The following ST8SIA5 variants were observed in gnomAD, a reference collection of about 807,000 sequenced individuals.
ST8SIA5 encodes ST8 alpha-N-acetyl-neuraminide alpha-2,8-sialyltransferase 5.
A neutral mutation model predicts 40.2 loss-of-function variants in ST8SIA5; 24 were observed. That is an observed-to-expected ratio of 0.60 (90% CI 0.43 to 0.84). ST8SIA5 has a LOEUF of 0.84. Ranked by LOEUF, ST8SIA5 falls within the 40% of genes least tolerant of loss-of-function variation. The pLI, the probability that ST8SIA5 is intolerant of heterozygous loss-of-function variation, is 0.00. For missense variants in ST8SIA5, 465 were observed against 498.5 expected (o/e 0.93, Z 0.64); for synonymous variants, 198 against 201.8 (o/e 0.98, Z 0.16).
rs1009112572 is a variant in ST8SIA5 at position 46,677,414 on chromosome 18, G to T, written c.*2628C>A. On this transcript the variant is annotated 3_prime_UTR_variant, in exon 7 of 7. Coordinates refer to ENST00000315087, the MANE Select transcript of ST8SIA5 (RefSeq NM_013305.6). Reference sequence around the variant, plus strand: ...CAATGGGAGCCTCCTTACCCAAAGGGGTCTCATGATGATTACAGGAGATAA... The same window carrying T: ...CAATGGGAGCCTCCTTACCCAAAGGTGTCTCATGATGATTACAGGAGATAA... 1 of 152,124 alleles carries T rather than the reference G, an allele frequency of 6.6e-6. No homozygotes were observed. Among genetic ancestry groups the T allele is most frequent in the Non-Finnish European group, 1.5e-5 (1 of 68,030 alleles). 9.4% of individuals were successfully genotyped at this position (152,124 alleles called of 1,614,324 possible). A position where few individuals can be genotyped will look rare whatever the true frequency, so the allele number is the denominator to read the frequency against.
At chr18:46,724,990 AGGAAG>A (rs2144534174) in intron 1 of ST8SIA5, among the ~76,000 whole-genome samples, 1 of 12,286 alleles carries the variant, frequency 8.1e-5, no homozygotes, top group African/African-American at 4.9e-4. Flanking sequence ...AAAGAGAGAG[AGGAAG>A]GAAGGAAGGA....
intron 1 of ST8SIA5, among the ~76,000 whole-genome samples, chr18:46,739,191 G>A (rs763303215): frequency 1.1e-4 from 17 of 152,234 alleles, no homozygotes; most frequent in Admixed American, 2.0e-4. Flanking sequence ...AGGGGACAGC[G>A]GGTCGGAGGC....
chr18:46,692,675 T>C (rs967206354), intron 2 of ST8SIA5, among the ~76,000 whole-genome samples: 1 of 152,124 alleles, frequency 6.6e-6, no homozygotes, highest in African/African-American at 2.4e-5. Context: ...AGTGCTGGGA[T>C]TACAGGTGTG....
chr18:46,703,443 A>G (rs1330912587), intron 2 of ST8SIA5, among the ~76,000 whole-genome samples: 1 of 152,176 alleles, frequency 6.6e-6, no homozygotes, highest in African/African-American at 2.4e-5. Context: ...GCAACCCTTA[A>G]AGGGTAGGTA....
rs1401391282 is a variant in ST8SIA5 at position 46,686,229 on chromosome 18, T to C, written c.514A>G (p.Ile172Val). ...CTCCCGCAGCGGCTGTTCTTCAAGA[T>C]GCCTCCGTTGCCCACTACAGCACAC... is the stretch of plus-strand genomic sequence containing the variant. Reference protein sequence around the residue: ...KKCAVVGNGGILKNSRCGREI... With the variant: ...KKCAVVGNGGVLKNSRCGREI... Residue 172 changes from isoleucine to valine, a missense_variant, in exon 5 of 7, where the codon ATC (isoleucine) becomes GTC (valine). Coordinates refer to ENST00000315087, the MANE Select transcript of ST8SIA5 (RefSeq NM_013305.6). 6.2e-7 allele frequency: 1 copy of C among 1,614,168 alleles called. No individual in the cohort carries two copies.
At chr18:46,715,863 T>C (rs2039783287) in intron 1 of ST8SIA5, among the ~76,000 whole-genome samples, 1 of 152,142 alleles carries the variant, frequency 6.6e-6, no homozygotes, top group Admixed American at 6.6e-5. Flanking sequence ...TCTGGGATTA[T>C]AGGCATGAGC....
intron 3 of ST8SIA5, among the ~76,000 whole-genome samples, chr18:46,689,572 A>AT (rs541590079): frequency 0.02 from 2,568 of 128,738 alleles, 52 homozygotes; most frequent in Admixed American, 0.048. Context: ...ATGTTTTATG[A>AT]TTTTTTTTTT....
chr18:46,753,550 G>A (rs1336452883), intron 1 of ST8SIA5, among the ~76,000 whole-genome samples: 1 of 151,176 alleles, frequency 6.6e-6, no homozygotes, highest in Non-Finnish European at 1.5e-5. Flanking sequence ...TCCAGCCTGG[G>A]TGACACAGTG....
At chr18:46,684,568 T>C (rs750408350) in intron 5 of ST8SIA5, among the ~76,000 whole-genome samples, 3 of 152,124 alleles carry the variant, frequency 2.0e-5, no homozygotes, top group Non-Finnish European at 4.4e-5. Context: ...TTTTTCTAAC[T>C]CAAACCAGGC....
intron 1 of ST8SIA5, among the ~76,000 whole-genome samples, chr18:46,707,488 T>C (rs2039681210): frequency 6.6e-6 from 1 of 152,208 alleles, no homozygotes. Context: ...TGCCTCTTCC[T>C]TGGTTCCTCT....
intron 1 of ST8SIA5, among the ~76,000 whole-genome samples, chr18:46,724,834 C>T (rs1011786908): frequency 5.9e-5 from 9 of 151,916 alleles, no homozygotes; most frequent in African/African-American, 2.2e-4. Flanking sequence ...ATTAGCTGGG[C>T]ATGGTGGTGC....
In ST8SIA5 at chr18:46,693,242, T is replaced by C. The variant is rs117873567; in HGVS notation, c.225-987A>G. 8.3e-4 allele frequency among the ~76,000 whole-genome samples: 127 copies of C among 152,300 alleles called. No individual in the cohort carries two copies. The East Asian group carries it at 0.022, about 26-fold the overall frequency. ...CCACCCCCCAGGGCCTGCATAGTTC[T>C]CTTGGGAACATCTGTCTATAAAGAG... On this transcript the variant is annotated intron_variant, in intron 2 of 6. Transcript: ENST00000315087.
At chr18:46,743,350 C>T (rs1003710967) in intron 1 of ST8SIA5, among the ~76,000 whole-genome samples, 13 of 152,096 alleles carry the variant, frequency 8.5e-5, no homozygotes, top group African/African-American at 3.1e-4. Context: ...CTAGAATAAA[C>T]AGTGTAGAGA....
chr18:46,748,471 G>T (rs2040163369), intron 1 of ST8SIA5, among the ~76,000 whole-genome samples: 1 of 148,554 alleles, frequency 6.7e-6, no homozygotes, highest in Non-Finnish European at 1.5e-5. Context: ...GGCTGAGGTG[G>T]GAGAATCACT....
At chr18:46,720,399 A>G (rs2039850003) in intron 1 of ST8SIA5, among the ~76,000 whole-genome samples, 1 of 152,168 alleles carries the variant, frequency 6.6e-6, no homozygotes, top group Non-Finnish European at 1.5e-5. Flanking sequence ...CCCAGGCCAC[A>G]GCGTGCGACC....
chr18:46,699,734 C>T (rs1367729152), intron 2 of ST8SIA5, among the ~76,000 whole-genome samples: 1 of 152,218 alleles, frequency 6.6e-6, no homozygotes, highest in Non-Finnish European at 1.5e-5. Context: ...CACCCACTCC[C>T]TCTGTCCACT....
chr18:46,682,186 G>A, intron 5 of ST8SIA5, 122 bp from the exon 6 acceptor site: 1 of 696,872 alleles, frequency 1.4e-6, no homozygotes. Flanking sequence ...CAACCAGCTA[G>A]GCAGGTTCTC....
intron 1 of ST8SIA5, among the ~76,000 whole-genome samples, chr18:46,705,296 C>T (rs1599117579): frequency 6.6e-6 from 1 of 152,346 alleles, no homozygotes; most frequent in African/African-American, 2.4e-5. Flanking sequence ...CCAGCTGGCT[C>T]CAGGCATGTC....
chr18:46,743,233 G>A (rs1388841826), intron 1 of ST8SIA5, among the ~76,000 whole-genome samples: 1 of 152,202 alleles, frequency 6.6e-6, no homozygotes, highest in Admixed American at 6.5e-5. Context: ...GACAGAAGAA[G>A]GCTTCAGAAG....
Sources: gnomAD v4.1 joint callset for allele counts (sites outside exome capture counted in the v4.1 genomes callset) on GRCh38, gnomAD v4.1.1 for gene constraint, MANE v1.5 for transcripts, NCBI Gene and HGNC (gene_info 2026-07-23, HGNC 2026-07-21) for gene names.